The following SLC6A7 variants were observed in gnomAD, a reference collection of about 807,000 sequenced individuals.
SLC6A7 encodes sodium-dependent proline transporter.
Under a neutral mutation model 73.1 loss-of-function variants are expected in SLC6A7, and 58 were observed. The observed-to-expected ratio is 0.79, with a 90% CI of 0.64 to 0.99. The LOEUF is 0.99. SLC6A7 is among the 50% of genes least tolerant of loss of function. The pLI is 0.00. For missense variants in SLC6A7, 783 were observed against 831.4 expected, an observed-to-expected ratio of 0.94 and a Z score of 0.72; for synonymous variants, 338 against 338.7, an observed-to-expected ratio of 1.00 and a Z score of 0.02.
chr5:150,203,648 C>T lies in SLC6A7; in HGVS notation c.1088-19C>T. The T allele has an allele frequency of 7.3e-7, 1 of 1,360,894 alleles. No individual in the cohort carries two copies. Among genetic ancestry groups the T allele is most frequent in the Non-Finnish European group, 1.1e-6 (1 of 948,898 alleles). 84.3% of individuals were successfully genotyped at this position (1,360,894 alleles called of 1,614,324 possible). ...CACCGCATGACCCAAGCTGCTGACC[C>T]CGTGTGCCCCTGGCCCAGGCCCTGG... is the stretch of plus-strand genomic sequence containing the variant. On this transcript the variant is annotated intron_variant, in intron 8 of 13. Coordinates refer to ENST00000230671, the MANE Select transcript of SLC6A7 (RefSeq NM_014228.5).
rs1198988888 is a variant in SLC6A7, at chr5:150,190,162, C to T, written c.-166C>T. 4 of 525,448 alleles carry T rather than the reference C, an allele frequency of 7.6e-6. No homozygotes were observed. The highest frequency in any genetic ancestry group is 2.0e-5 in the African/African-American group (1 of 48,972). The allele number at this position is 525,448 out of a possible 1,614,324, so 32.5% of individuals were successfully genotyped here. A position where few individuals can be genotyped will look rare whatever the true frequency, so the allele number is the denominator to read the frequency against. ...GACAAGGCATTCGCAGCGCCCTGCC[C>T]GCGCTCCACGCCCGCAGCCGCCAGA... On this transcript the variant is annotated 5_prime_UTR_variant, in exon 1 of 14. Transcript: ENST00000230671.
In SLC6A7 at chr5:150,209,930, C is replaced by T; in HGVS notation, c.*315C>T. 4 of 383,086 alleles carry T rather than the reference C, an allele frequency of 1.0e-5. No homozygotes were observed. Among genetic ancestry groups the T allele is most frequent in the Non-Finnish European group, 2.0e-5 (4 of 203,616 alleles). The allele number at this position is 383,086 out of a possible 1,614,324, so 23.7% of individuals were successfully genotyped here. ...GCCCCAGGTCGCATGGCAGAGGGGACTTGAACCCACGCCTCCTGACCAGCC... is the reference window on the plus strand; with the variant it reads ...GCCCCAGGTCGCATGGCAGAGGGGATTTGAACCCACGCCTCCTGACCAGCC... On this transcript the variant is annotated 3_prime_UTR_variant, in exon 14 of 14. Transcript: ENST00000230671.
chr5:150,209,437 A>T lies in SLC6A7; in HGVS notation c.1733A>T (p.Asp578Val). The T allele has an allele frequency of 1.9e-6, 3 of 1,613,844 alleles. No individual in the cohort carries two copies. Among genetic ancestry groups the T allele is most frequent in the Non-Finnish European group, 2.5e-6 (3 of 1,180,032 alleles). Residue 578 changes from aspartate to valine, a missense_variant, in exon 14 of 14, where the codon GAC (aspartate) becomes GTC (valine). Transcript: ENST00000230671. ...CAACAGGCCAGCCGGCCGGCCATGG[A>T]CTGGGGACCATCGCTGGAGGAGAAC... ...RLQQASRPAM[D>V]WGPSLEENRT...
intron 2 of SLC6A7, chr5:150,195,194 G>A: frequency 2.9e-6 from 1 of 342,178 alleles, no homozygotes; most frequent in East Asian, 4.7e-5. Flanking sequence ...TGGGCAGAGG[G>A]AGCTGCCTCT....
intron 1 of SLC6A7, among the ~76,000 whole-genome samples, chr5:150,192,462 G>A (rs1036326605): frequency 1.3e-5 from 2 of 152,150 alleles, no homozygotes; most frequent in Non-Finnish European, 2.9e-5. Flanking sequence ...CTTACACCCA[G>A]GAAGAAGTAT....
chr5:150,203,857 G>GTGTGTA, intron 9 of SLC6A7, 50 bp from the exon 10 acceptor site: 1 of 1,570,720 alleles, frequency 6.4e-7, no homozygotes, highest in Non-Finnish European at 8.7e-7. Flanking sequence ...GTGTGTGTGT[G>GTGTGTA]TGTGTGTTGG....
intron 6 of SLC6A7, among the ~76,000 whole-genome samples, chr5:150,202,110 T>C (rs947805897): frequency 7.9e-5 from 12 of 152,240 alleles, no homozygotes; most frequent in African/African-American, 2.9e-4. Flanking sequence ...GACCATCTTC[T>C]AGATCCTGGG....
chr5:150,204,482 C>A, intron 10 of SLC6A7, 50 bp from the exon 11 acceptor site: 1 of 1,383,262 alleles, frequency 7.2e-7, no homozygotes, highest in Non-Finnish European at 1.0e-6. Context: ...GGGGCTGTAG[C>A]AGAGAACGAG....
In SLC6A7 at chr5:150,195,260, C is replaced by T. The variant is rs115367572; in HGVS notation, c.217+349C>T. ...CGATGATCACTGCACTTTCAGTGTTCTCCCCACCCCCTCCTTCCTCCACCT... is the reference window on the plus strand; with the variant it reads ...CGATGATCACTGCACTTTCAGTGTTTTCCCCACCCCCTCCTTCCTCCACCT... On this transcript the variant is annotated intron_variant, in intron 2 of 13. Coordinates refer to ENST00000230671, the MANE Select transcript of SLC6A7 (RefSeq NM_014228.5). 739 of 202,436 alleles carry T rather than the reference C, an allele frequency of 3.7e-3. 5 individuals are homozygous for T. The highest frequency in any genetic ancestry group is 0.015 in the African/African-American group (649 of 44,334). The allele number at this position is 202,436 out of a possible 1,614,324, so 12.5% of individuals were successfully genotyped here.
intron 13 of SLC6A7, 71 bp downstream of exon 13, chr5:150,205,694 A>T (rs1753665510): frequency 2.2e-6 from 3 of 1,366,444 alleles, no homozygotes; most frequent in Non-Finnish European, 3.0e-6. Context: ...CCCTGCTAGA[A>T]CAGAAAACAT....
Position 150,196,340 on chromosome 5 carries a change from G to A in SLC6A7, c.218-376G>A, listed in dbSNP as rs1028348918. On this transcript the variant is annotated intron_variant, in intron 2 of 13. Transcript: ENST00000230671. ...CAGGTGGCAGTCACAAGTGTCTGAG[G>A]CGGCATGGTGGGGAGGGGCAGGCAG... Among the ~76,000 whole-genome samples the A allele has an allele frequency of 3.9e-5, 6 of 152,310 alleles. No individual in the cohort carries two copies. The East Asian group carries it at 7.7e-4, about 20-fold the overall frequency.
rs747659755 is a variant in SLC6A7, at chr5:150,201,199, G to C, written c.834G>C (p.Gln278His). 4.3e-6 allele frequency: 7 copies of C among 1,612,830 alleles called. No individual in the cohort carries two copies. In the East Asian group the frequency reaches 1.3e-4, roughly 31 times the overall value. Reference sequence around the variant, plus strand: ...GCATCCAGTTCTATCTCACCCCCCAGTTCCACCACTTGTTGTCTTCCAAGG... The same window carrying C: ...GCATCCAGTTCTATCTCACCCCCCACTTCCACCACTTGTTGTCTTCCAAGG... The part of the protein sequence containing the change: ...WKGIQFYLTP[Q>H]FHHLLSSKVW... Residue 278 changes from glutamine (Q) to histidine (H), a missense_variant, in exon 6 of 14, where the codon CAG becomes CAC. Physicochemically the swap from Gln to His is conservative, Grantham distance 24. Transcript: ENST00000230671.
Position 150,190,289 on chromosome 5 carries a change from G to C in SLC6A7, c.-39G>C, listed in dbSNP as rs1246834844. 1 of 1,500,790 alleles carries C rather than the reference G, an allele frequency of 6.7e-7. No individual in the cohort carries two copies. The highest frequency in any genetic ancestry group is 1.5e-5 in the African/African-American group (1 of 68,786). The allele number at this position is 1,500,790 out of a possible 1,614,324, so 93.0% of individuals were successfully genotyped here. On this transcript the variant is annotated 5_prime_UTR_variant, in exon 1 of 14. Coordinates refer to ENST00000230671, the MANE Select transcript of SLC6A7 (RefSeq NM_014228.5). The stretch of plus-strand genomic sequence containing the variant: ...CATCTCTCGTGCCCTCGCTCTCTGC[G>C]CTCCGGGGCAGCTGAGCCCCGGCCA...
In SLC6A7 at chr5:150,200,671, AT is replaced by A. The variant is rs548635896; in HGVS notation, c.724-417del. Among the ~76,000 whole-genome samples, 64 of 152,342 alleles carry A rather than the reference AT, an allele frequency of 4.2e-4. 1 individual carries two copies. The East Asian group carries it at 8.9e-3, about 21-fold the overall frequency. On this transcript the variant is annotated intron_variant, in intron 5 of 13. Transcript: ENST00000230671. ...ACCATATAGAAAGAGAGAAGAGGTT[AT>A]GGTCAAAGCCAAGGCAGTGAGGACG...
chr5:150,197,059 C>A lies in SLC6A7; in HGVS notation c.367C>A (p.Leu123Met). 1 of 1,613,918 alleles carries A rather than the reference C, an allele frequency of 6.2e-7. No homozygotes were observed. Among genetic ancestry groups the A allele is most frequent in the Non-Finnish European group, 8.5e-7 (1 of 1,179,908 alleles). ...PLFKGAGAAMLLIVGLVAIYY... is the reference protein window; with the variant it reads ...PLFKGAGAAMMLIVGLVAIYY... The stretch of plus-strand genomic sequence containing the variant: ...CACACCAGGCGCCGGCGCAGCCATG[C>A]TGCTCATCGTGGGCTTGGTGGCCAT... The change falls in exon 4 of 14, where the codon CTG becomes ATG. Residue 123 changes from leucine (L) to methionine (M), a missense_variant. Physicochemically the swap from Leu to Met is conservative, Grantham distance 15. Coordinates refer to ENST00000230671, the MANE Select transcript of SLC6A7 (RefSeq NM_014228.5).
intron 12 of SLC6A7, 27 bp from the exon 13 acceptor site, chr5:150,205,429 G>A (rs780172653): frequency 6.4e-6 from 10 of 1,566,376 alleles, no homozygotes; most frequent in African/African-American, 1.4e-5. Flanking sequence ...AAAGCCCGCA[G>A]TGATGCTGGG....
chr5:150,209,750 G>T lies in SLC6A7; in HGVS notation c.*135G>T, dbSNP rs4705114. On this transcript the variant is annotated 3_prime_UTR_variant, in exon 14 of 14. Transcript: ENST00000230671. Reference sequence around the variant, plus strand: ...CTGCCATAGGGATGCCAGTCCCCCAGTGGGGGTCCCTTCTGCAGCCTCTGC... The same window carrying T: ...CTGCCATAGGGATGCCAGTCCCCCATTGGGGGTCCCTTCTGCAGCCTCTGC... 2 of 717,124 alleles carry T rather than the reference G, an allele frequency of 2.8e-6. No individual in the cohort carries two copies. Among genetic ancestry groups the T allele is most frequent in the Non-Finnish European group, 4.9e-6 (2 of 412,198 alleles). The allele number at this position is 717,124 out of a possible 1,614,324, so 44.4% of individuals were successfully genotyped here. A position where few individuals can be genotyped will look rare whatever the true frequency, so the allele number is the denominator to read the frequency against.
intron 6 of SLC6A7, 62 bp from the exon 7 acceptor site, chr5:150,202,285 C>A: frequency 8.7e-7 from 1 of 1,150,952 alleles, no homozygotes; most frequent in Non-Finnish European, 1.3e-6. Flanking sequence ...TCTTCATTCA[C>A]TGCCTTCCTT....
chr5:150,198,125 G>GAAAAA (rs1323091089), intron 4 of SLC6A7, among the ~76,000 whole-genome samples: 1 of 137,392 alleles, frequency 7.3e-6, no homozygotes, highest in African/African-American at 2.8e-5. Flanking sequence ...GAGAAAGAAA[G>GAAAAA]AAAGAAAGAA....
Sources: gnomAD v4.1 joint callset for allele counts (sites outside exome capture counted in the v4.1 genomes callset) on GRCh38, gnomAD v4.1.1 for gene constraint, MANE v1.5 for transcripts, NCBI Gene and HGNC (gene_info 2026-07-23, HGNC 2026-07-21) for gene names.